ALPL: variants seen among roughly 807,000 people sequenced by gnomAD.
ALPL encodes the protein alkaline phosphatase, biomineralization associated, also known as alkaline phosphatase, tissue-nonspecific isozyme.
ALPL carries 42 observed loss-of-function variants against 51.3 expected under a neutral mutation model. The ratio of observed to expected loss-of-function variants is 0.82; its 90% confidence interval spans 0.64 to 1.06. The LOEUF (loss-of-function observed/expected upper bound fraction) is 1.06. Ranked by LOEUF, ALPL falls within the 50% of genes least tolerant of loss-of-function variation. The probability of loss-of-function intolerance (pLI) is 0.00; values close to 1 mark genes in which losing one functional copy is unlikely to be tolerated. For missense variants in ALPL, 589 were observed against 709.4 expected (o/e 0.83, Z 1.93); for synonymous variants, 279 against 296.4 (o/e 0.94, Z 0.60).
At chr1:21,534,711 G>A (rs1166684145) in intron 1 of ALPL, among the ~76,000 whole-genome samples, 1 of 152,176 alleles carries the variant, frequency 6.6e-6, no homozygotes, top group Admixed American at 6.5e-5. Flanking sequence ...GTAGAGTTAG[G>A]GGAGAGGGCA....
At chr1:21,535,460 T>C (rs1241677683) in intron 1 of ALPL, among the ~76,000 whole-genome samples, 1 of 151,976 alleles carries the variant, frequency 6.6e-6, no homozygotes. Context: ...AAAAATAAAA[T>C]CACCAGCCGA....
Position 21,575,758 on chromosome 1 carries a change from T to G in ALPL, c.1023T>G (p.His341Gln). The change falls in exon 10 of 12, where the codon CAT (histidine) becomes CAG (glutamine). Residue 341 changes from histidine (H) to glutamine (Q), a missense_variant. Transcript: ENST00000374840. Reference sequence around the variant, plus strand: ...GAGGCAGAATTGACCACGGGCACCATGAAGGAAAAGCCAAGCAGGCCCTGC... The same window carrying G: ...GAGGCAGAATTGACCACGGGCACCAGGAAGGAAAAGCCAAGCAGGCCCTGC... ...VEGGRIDHGH[H>Q]EGKAKQALHE... The G allele has an allele frequency of 6.2e-7, 1 of 1,614,048 alleles. No individual in the cohort carries two copies.
At chr1:21,557,827 G>A (rs976369014) in intron 2 of ALPL, among the ~76,000 whole-genome samples, 1 of 152,238 alleles carries the variant, frequency 6.6e-6, no homozygotes, top group Non-Finnish European at 1.5e-5. Context: ...TTATACCCAT[G>A]TAACCGCCAC....
chr1:21,554,769 C>T (rs1315238307), intron 2 of ALPL, among the ~76,000 whole-genome samples: 1 of 151,244 alleles, frequency 6.6e-6, no homozygotes, highest in Non-Finnish European at 1.5e-5. Context: ...GGATTACAGG[C>T]GTGAGCCACC....
intron 1 of ALPL, among the ~76,000 whole-genome samples, chr1:21,525,000 G>C (rs1643923687): frequency 6.6e-6 from 1 of 152,224 alleles, no homozygotes; most frequent in Non-Finnish European, 1.5e-5. Context: ...CAGGGCTCTG[G>C]CCTCGAGCCT....
At chr1:21,512,776 G>A (rs927519671) in intron 1 of ALPL, among the ~76,000 whole-genome samples, 3 of 152,162 alleles carry the variant, frequency 2.0e-5, no homozygotes, top group African/African-American at 4.8e-5. Flanking sequence ...AAAACTCTAT[G>A]CTTAAAGTTT....
intron 6 of ALPL, among the ~76,000 whole-genome samples, chr1:21,565,108 C>T (rs1478166006): frequency 6.6e-6 from 1 of 152,168 alleles, no homozygotes; most frequent in Non-Finnish European, 1.5e-5. Flanking sequence ...TGCCCAGCTA[C>T]ACCTCACCTC....
intron 1 of ALPL, among the ~76,000 whole-genome samples, chr1:21,538,563 G>A (rs977026283): frequency 1.3e-5 from 2 of 152,146 alleles, no homozygotes; most frequent in Admixed American, 6.5e-5. Context: ...CCCACAGCCC[G>A]GCGCCTCCTC....
At chr1:21,524,620 A>T (rs1643917858) in intron 1 of ALPL, among the ~76,000 whole-genome samples, 1 of 152,322 alleles carries the variant, frequency 6.6e-6, no homozygotes, top group South Asian at 2.1e-4. Flanking sequence ...CTTGCTCCAG[A>T]GTCCGGTCTC....
intron 7 of ALPL, 83 bp downstream of exon 7, chr1:21,568,330 G>C: frequency 6.3e-7 from 1 of 1,589,416 alleles, no homozygotes; most frequent in East Asian, 2.3e-5. Context: ...AAGTTCTGTT[G>C]TCCTCTGTAG....
chr1:21,515,323 G>C (rs866968170), intron 1 of ALPL, among the ~76,000 whole-genome samples: 1 of 152,106 alleles, frequency 6.6e-6, no homozygotes, highest in Non-Finnish European at 1.5e-5. Context: ...CTTGGCCCCT[G>C]AAAGTGCTGA....
chr1:21,520,466 C>CTTTTTTTT (rs35922763), intron 1 of ALPL, among the ~76,000 whole-genome samples: 2 of 111,462 alleles, frequency 1.8e-5, no homozygotes, highest in Non-Finnish European at 1.7e-5. Flanking sequence ...TCTTTTTTCT[C>CTTTTTTTT]TTTTTTTTTT....
intron 1 of ALPL, among the ~76,000 whole-genome samples, chr1:21,525,181 C>T (rs1271696710): frequency 6.6e-6 from 1 of 152,246 alleles, no homozygotes; most frequent in Non-Finnish European, 1.5e-5. Flanking sequence ...ATGCTTTCCT[C>T]TTGGGCGGCC....
At chr1:21,565,840 A>G (rs1197217315) in intron 6 of ALPL, among the ~76,000 whole-genome samples, 1 of 150,644 alleles carries the variant, frequency 6.6e-6, no homozygotes, top group Non-Finnish European at 1.5e-5. Context: ...AAAAAAAAAA[A>G]GAAAGAAGAG....
intron 2 of ALPL, among the ~76,000 whole-genome samples, chr1:21,554,815 G>A (rs6660583): frequency 2.4e-5 from 2 of 83,694 alleles, no homozygotes; most frequent in Admixed American, 1.3e-4. Flanking sequence ...CTGTCTGTCT[G>A]TCTTTCTTTC....
chr1:21,562,855 G>A (rs1016046402), intron 4 of ALPL, among the ~76,000 whole-genome samples: 1 of 152,098 alleles, frequency 6.6e-6, no homozygotes, highest in African/African-American at 2.4e-5. Flanking sequence ...CCAATCTTCC[G>A]CCGGACACTT....
chr1:21,546,688 A>C (rs1322542810), intron 1 of ALPL, among the ~76,000 whole-genome samples: 1 of 152,218 alleles, frequency 6.6e-6, no homozygotes, highest in Non-Finnish European at 1.5e-5. Flanking sequence ...GGCTGCTGCT[A>C]TCTCAGTTCT....
chr1:21,526,429 C>A (rs1186895877), intron 1 of ALPL, among the ~76,000 whole-genome samples: 2 of 152,176 alleles, frequency 1.3e-5, no homozygotes, highest in Non-Finnish European at 2.9e-5. Context: ...TGTGAGCTAC[C>A]ACGCCCGGCC....
At position 21,577,537 on chromosome 1, in the gene ALPL, C is replaced by T. The variant is rs749148162; in HGVS notation, c.1464C>T (p.Ala488=). 37 of 1,606,668 alleles carry T rather than the reference C, an allele frequency of 2.3e-5. No individual in the cohort carries two copies. Among genetic ancestry groups the T allele is most frequent in the Non-Finnish European group, 2.5e-5 (29 of 1,179,876 alleles). Reference sequence around the variant, plus strand: ...TCCCCCACGTGATGGCGTATGCAGCCTGCATCGGGGCCAACCTCGGCCACT... The same window carrying T: ...TCCCCCACGTGATGGCGTATGCAGCTTGCATCGGGGCCAACCTCGGCCACT... ...NYVPHVMAYA[A]CIGANLGHCA... Residue 488 remains alanine (A), a synonymous_variant, in exon 12 of 12, where the codon GCC becomes GCT. Transcript: ENST00000374840.
Sources: gnomAD v4.1 joint callset for allele counts (sites outside exome capture counted in the v4.1 genomes callset) on GRCh38, gnomAD v4.1.1 for gene constraint, MANE v1.5 for transcripts, NCBI Gene and HGNC (gene_info 2026-07-23, HGNC 2026-07-21) for gene names.